The following PREP variants were observed in gnomAD, a reference collection of about 807,000 sequenced individuals.
PREP encodes the protein dJ355L5.1 (prolyl endopeptidase).
Under a neutral mutation model 87.6 loss-of-function variants are expected in PREP, and 29 were observed. That is an observed-to-expected ratio of 0.33 (90% CI 0.25 to 0.45). The LOEUF is 0.45. Ranked by LOEUF, PREP falls within the 20% of genes least tolerant of loss-of-function variation. The probability of loss-of-function intolerance (pLI) is 1.00; values close to 1 mark genes in which losing one functional copy is unlikely to be tolerated. For missense variants in PREP, 695 were observed against 886.5 expected, an observed-to-expected ratio of 0.78 and a Z score of 2.74; for synonymous variants, 337 against 328.6, an observed-to-expected ratio of 1.03 and a Z score of -0.28.
rs1341410056 is a variant in PREP at position 105,373,343 on chromosome 6, G to A, written c.595+26C>T. 1.2e-6 allele frequency: 2 copies of A among 1,604,094 alleles called. 1 individual carries two copies. Among genetic ancestry groups the A allele is most frequent in the South Asian group, 2.2e-5 (2 of 90,852 alleles). On this transcript the variant is annotated intron_variant, in intron 5 of 14. Coordinates refer to ENST00000652536, the MANE Select transcript of PREP (RefSeq NM_002726.5). ...AGTCACACTTCATTTTGTGAAAAAT[G>A]TGCTTCATCTGAAGTCTTCACTCAC...
chr6:105,311,212 A>T (rs889526450), intron 10 of PREP, among the ~76,000 whole-genome samples: 3 of 152,194 alleles, frequency 2.0e-5, no homozygotes, highest in Non-Finnish European at 4.4e-5. Flanking sequence ...CACAAAACGG[A>T]AAATGATTTT....
chr6:105,300,593 T>C (rs1421407268), intron 10 of PREP, among the ~76,000 whole-genome samples: 4 of 151,692 alleles, frequency 2.6e-5, no homozygotes, highest in South Asian at 2.1e-4. Flanking sequence ...AGATAAGAAC[T>C]CACAGATCCT....
chr6:105,323,012 C>T, intron 10 of PREP: 1 of 1,303,576 alleles, frequency 7.7e-7, no homozygotes, highest in Non-Finnish European at 1.0e-6. Flanking sequence ...ACACCTGGTG[C>T]CCTATTGGTG....
At chr6:105,362,615 C>T (rs1772283378) in intron 6 of PREP, among the ~76,000 whole-genome samples, 2 of 152,204 alleles carry the variant, frequency 1.3e-5, no homozygotes, top group African/African-American at 2.4e-5. Flanking sequence ...GCACAGCCTT[C>T]TTGCTTTACT....
chr6:105,323,380 CACAG>C (rs1004825207), intron 10 of PREP, among the ~76,000 whole-genome samples: 8 of 152,072 alleles, frequency 5.3e-5, no homozygotes, highest in African/African-American at 1.9e-4. Flanking sequence ...AGCAGATTGA[CACAG>C]ACAGAAATGT....
chr6:105,311,440 T>C (rs1408536615), intron 10 of PREP, among the ~76,000 whole-genome samples: 1 of 152,174 alleles, frequency 6.6e-6, no homozygotes, highest in African/African-American at 2.4e-5. Context: ...GGGCCGCCTG[T>C]CCCCCATTTT....
rs959051462 is a variant in PREP at position 105,276,754 on chromosome 6, A to G, written c.*1390T>C. ...AACCAAGCCATATAGCTGTCTTTCA[A>G]TATGCTTGGTATGCAGTGATATGCT... On this transcript the variant is annotated 3_prime_UTR_variant, in exon 15 of 15. Coordinates refer to ENST00000652536, the MANE Select transcript of PREP (RefSeq NM_002726.5). 2.0e-5 allele frequency among the ~76,000 whole-genome samples: 3 copies of G among 152,232 alleles called. No individual in the cohort carries two copies. Among genetic ancestry groups the G allele is most frequent in the South Asian group, 4.1e-4 (2 of 4,826 alleles).
chr6:105,387,028 C>G (rs1160837092), intron 2 of PREP, among the ~76,000 whole-genome samples: 1 of 152,194 alleles, frequency 6.6e-6, no homozygotes. Context: ...GCTTGGCCAA[C>G]ATGGTGAAAC....
At chr6:105,330,331 C>T (rs866897367) in intron 8 of PREP, among the ~76,000 whole-genome samples, 4 of 152,152 alleles carry the variant, frequency 2.6e-5, no homozygotes, top group Admixed American at 1.3e-4. Context: ...CCACATCAAG[C>T]GGGAGATAAA....
intron 10 of PREP, among the ~76,000 whole-genome samples, chr6:105,316,575 T>C (rs1770875021): frequency 6.6e-6 from 1 of 152,148 alleles, no homozygotes. Context: ...CTTCAGTTTT[T>C]AAAAAACGAG....
intron 13 of PREP, 119 bp from the exon 14 acceptor site, chr6:105,282,021 C>T (rs1199365404): frequency 7.3e-6 from 9 of 1,232,796 alleles, no homozygotes; most frequent in African/African-American, 1.5e-5. Flanking sequence ...ATCCAGAGCA[C>T]AAGAGGAAAC....
rs572275454 is a variant in PREP, at chr6:105,371,926, A to T, written c.595+1443T>A. 2.6e-5 allele frequency among the ~76,000 whole-genome samples: 4 copies of T among 152,302 alleles called. No homozygotes were observed. The South Asian group carries it at 6.2e-4, about 24-fold the overall frequency. ...TAATGTAATAACGTTCTCTAACATG[A>T]ATTGGCCAGTTATACTTTTTTTGTT... On this transcript the variant is annotated intron_variant, in intron 5 of 14. Coordinates refer to ENST00000652536, the MANE Select transcript of PREP (RefSeq NM_002726.5).
At position 105,293,465 on chromosome 6, in the gene PREP, A is replaced by C. The variant is rs35640728; in HGVS notation, c.1318-4571T>G. Among the ~76,000 whole-genome samples the C allele has an allele frequency of 3.3e-4, 50 of 152,168 alleles. 1 individual carries two copies. The highest frequency in any genetic ancestry group is 1.5e-5 in the Non-Finnish European group (1 of 68,030). ...CTGATGAGGGATCTCCATAACAAAC[A>C]CAATAATAATGAAAAGCTTTGAAGT... On this transcript the variant is annotated intron_variant, in intron 10 of 14. Transcript: ENST00000652536.
intron 6 of PREP, among the ~76,000 whole-genome samples, chr6:105,363,927 G>A (rs1772315591): frequency 6.6e-6 from 1 of 152,062 alleles, no homozygotes; most frequent in Non-Finnish European, 1.5e-5. Flanking sequence ...AAAATCGAGG[G>A]GATGTCTCTG....
At chr6:105,330,274 G>A (rs1457796837) in intron 8 of PREP, among the ~76,000 whole-genome samples, 3 of 152,198 alleles carry the variant, frequency 2.0e-5, no homozygotes, top group Non-Finnish European at 2.9e-5. Context: ...GGAAGTCTAC[G>A]GAGGGGAGAA....
At chr6:105,377,181 C>T (rs531358423) in intron 3 of PREP, among the ~76,000 whole-genome samples, 1 of 152,110 alleles carries the variant, frequency 6.6e-6, no homozygotes, top group African/African-American at 2.4e-5. Context: ...ATGACCTATC[C>T]CTACTAAATT....
rs1040930806 is a variant in PREP, at chr6:105,396,812, TAGA to T, written c.120+1038_120+1040del. ...AAGTATTATGTACTATGGTTATAAA[TAGA>T]AGAATCCAAGAACTTAAGATGAACT... is the stretch of plus-strand genomic sequence containing the variant. On this transcript the variant is annotated intron_variant, in intron 2 of 14. Coordinates refer to ENST00000652536, the MANE Select transcript of PREP (RefSeq NM_002726.5). Among the ~76,000 whole-genome samples the T allele has an allele frequency of 7.3e-4, 111 of 152,134 alleles. 1 individual carries two copies. The highest frequency in any genetic ancestry group is 2.5e-3 in the African/African-American group (104 of 41,482).
intron 8 of PREP, among the ~76,000 whole-genome samples, chr6:105,330,691 C>A (rs1177020135): frequency 6.6e-6 from 1 of 152,058 alleles, no homozygotes; most frequent in Non-Finnish European, 1.5e-5. Flanking sequence ...GGGTTCTTGA[C>A]ACTGCTTATT....
intron 2 of PREP, among the ~76,000 whole-genome samples, chr6:105,391,548 C>T (rs1275873921): frequency 6.6e-6 from 1 of 152,172 alleles, no homozygotes; most frequent in Non-Finnish European, 1.5e-5. Flanking sequence ...CTGGATTTGG[C>T]CACTGGGCCA....
Sources: gnomAD v4.1 joint callset for allele counts (sites outside exome capture counted in the v4.1 genomes callset) on GRCh38, gnomAD v4.1.1 for gene constraint, MANE v1.5 for transcripts, NCBI Gene and HGNC (gene_info 2026-07-23, HGNC 2026-07-21) for gene names.